Variants in CDC123 observed in about 807,000 individuals in gnomAD.
The protein encoded by CDC123 is cell division cycle 123.
A neutral mutation model predicts 54.4 loss-of-function variants in CDC123; 37 were observed. The ratio of observed to expected loss-of-function variants is 0.68; its 90% CI spans 0.52 to 0.89. The LOEUF (loss-of-function observed/expected upper bound fraction) is 0.89, where lower values mean the gene tolerates loss of function less well. Ranked by LOEUF, CDC123 falls within the 40% of genes least tolerant of loss-of-function variation. CDC123 has a pLI of 0.00. For synonymous variants in CDC123, 144 were observed against 136.8 expected, an observed-to-expected ratio of 1.05 and a Z score of -0.37; for missense variants, 361 against 412.1, an observed-to-expected ratio of 0.88 and a Z score of 1.07.
chr10:12,233,108 C>T (rs1212583376), intron 7 of CDC123, among the ~76,000 whole-genome samples: 1 of 152,036 alleles, frequency 6.6e-6, no homozygotes, highest in Non-Finnish European at 1.5e-5. Flanking sequence ...ATTTATTTAC[C>T]AGCAGTTTGC....
chr10:12,242,112 A>G (rs1323505666), intron 10 of CDC123, among the ~76,000 whole-genome samples: 6 of 152,158 alleles, frequency 3.9e-5, no homozygotes, highest in African/African-American at 1.4e-4. Flanking sequence ...AGGAGCCCTC[A>G]CATATCTCAC....
intron 6 of CDC123, among the ~76,000 whole-genome samples, chr10:12,224,330 A>G (rs1835777348): frequency 6.6e-6 from 1 of 150,598 alleles, no homozygotes; most frequent in South Asian, 2.1e-4. Flanking sequence ...TTGTGTCTAT[A>G]ACATTGCTTT....
chr10:12,217,212 A>G (rs1165070801), intron 5 of CDC123, 149 bp from the exon 6 acceptor site: 1 of 637,502 alleles, frequency 1.6e-6, no homozygotes. Flanking sequence ...GTTAAGCATA[A>G]TTTAACATTT....
chr10:12,228,058 T>C (rs4750191), intron 6 of CDC123, among the ~76,000 whole-genome samples: 151,202 of 152,180 alleles, frequency 0.99, 75,126 homozygotes, highest in Middle Eastern at 1. Flanking sequence ...GCCTCAGCCT[T>C]CTGAGTAGCT....
chr10:12,233,865 A>G (rs1018606686), intron 7 of CDC123, among the ~76,000 whole-genome samples: 4 of 152,022 alleles, frequency 2.6e-5, no homozygotes, highest in Admixed American at 6.5e-5. Context: ...ACTTATTAGT[A>G]TATGAGAGTT....
intron 10 of CDC123, among the ~76,000 whole-genome samples, chr10:12,243,648 A>G (rs1836089557): frequency 6.6e-6 from 1 of 150,756 alleles, no homozygotes; most frequent in South Asian, 2.1e-4. Flanking sequence ...GCTGGGCGTG[A>G]TGGCGGACGC....
At position 12,209,995 on chromosome 10, in the gene CDC123, G is replaced by T. The variant is rs753936146; in HGVS notation, c.175G>T (p.Asp59Tyr). The change falls in exon 3 of 13, where the codon GAC becomes TAC. Residue 59 changes from aspartate to tyrosine, a missense_variant. Physicochemically the swap from Asp to Tyr is radical, Grantham distance 160. Coordinates refer to ENST00000281141, the MANE Select transcript of CDC123 (RefSeq NM_006023.3). Reference sequence around the variant, plus strand: ...TGATCCACCAACACATTCTCAGCCAGACAGTGATGATGAAGCAGAAGAAAT... The same window carrying T: ...TGATCCACCAACACATTCTCAGCCATACAGTGATGATGAAGCAGAAGAAAT... ...RDDPPTHSQP[D>Y]SDDEAEEIQW... 3.9e-5 allele frequency: 63 copies of T among 1,614,046 alleles called. No individual in the cohort carries two copies. The highest frequency in any genetic ancestry group is 1.2e-5 in the Non-Finnish European group (14 of 1,180,034).
chr10:12,214,984 T>C (rs1257630000), intron 4 of CDC123, among the ~76,000 whole-genome samples: 1 of 152,212 alleles, frequency 6.6e-6, no homozygotes, highest in African/African-American at 2.4e-5. Flanking sequence ...TACCTTTTTT[T>C]CTTTCTTATG....
chr10:12,214,906 C>T (rs1282053348), intron 4 of CDC123, among the ~76,000 whole-genome samples: 1 of 152,014 alleles, frequency 6.6e-6, no homozygotes, highest in Non-Finnish European at 1.5e-5. Context: ...TTAATGACTG[C>T]GTGGAGAATC....
chr10:12,196,625 C>T (rs938233055), intron 1 of CDC123, among the ~76,000 whole-genome samples: 2 of 152,240 alleles, frequency 1.3e-5, no homozygotes, highest in South Asian at 2.1e-4. Flanking sequence ...TGATCACTGC[C>T]TAAGTGCACT....
chr10:12,234,852 C>G (rs1835958286), intron 7 of CDC123, among the ~76,000 whole-genome samples, 196 bp from the exon 8 acceptor site: 1 of 150,184 alleles, frequency 6.7e-6, no homozygotes, highest in African/African-American at 2.5e-5. Flanking sequence ...CTCCCGGGTT[C>G]AAGTGATTCT....
Position 12,246,153 on chromosome 10 carries a change from A to G in CDC123, c.722A>G (p.Lys241Arg), listed in dbSNP as rs1234640762. 2.5e-6 allele frequency: 4 copies of G among 1,613,768 alleles called. No homozygotes were observed. Among genetic ancestry groups the G allele is most frequent in the Non-Finnish European group, 3.4e-6 (4 of 1,179,786 alleles). The change falls in exon 11 of 13, where the codon AAG becomes AGG. Residue 241 changes from lysine (K) to arginine (R), a missense_variant. By Grantham distance (26) the Lys-to-Arg change is conservative. Transcript: ENST00000281141. ...VFDIYRDSRG[K>R]VWLIDFNPFG... ...TTTTCTCTCTCTGTGCTACAGGGGA[A>G]GGTGTGGCTCATTGACTTTAATCCA...
chr10:12,210,214 A>G (rs1157458810), intron 3 of CDC123, 76 bp from the exon 4 acceptor site: 1 of 1,553,080 alleles, frequency 6.4e-7, no homozygotes, highest in East Asian at 2.4e-5. Context: ...TATAATTTTT[A>G]GATGGAGCAC....
intron 7 of CDC123, among the ~76,000 whole-genome samples, chr10:12,231,677 A>G (rs992074238): frequency 6.6e-6 from 1 of 151,276 alleles, no homozygotes; most frequent in Admixed American, 6.6e-5. Flanking sequence ...CAACTTCATT[A>G]GAAATTTTGA....
intron 2 of CDC123, among the ~76,000 whole-genome samples, chr10:12,199,771 T>C (rs2131728986): frequency 6.6e-6 from 1 of 152,294 alleles, no homozygotes; most frequent in East Asian, 1.9e-4. Context: ...GAGGAAACAG[T>C]AGGAAAGTCA....
intron 2 of CDC123, among the ~76,000 whole-genome samples, chr10:12,202,436 T>C (rs1325945421): frequency 6.6e-6 from 1 of 152,200 alleles, no homozygotes; most frequent in Non-Finnish European, 1.5e-5. Context: ...TGGGGTTTTC[T>C]TCCCACCAAG....
chr10:12,200,158 GCT>G (rs1203846060), intron 2 of CDC123, among the ~76,000 whole-genome samples: 1 of 72,746 alleles, frequency 1.4e-5, no homozygotes, highest in East Asian at 6.4e-4. Flanking sequence ...ATGGAGTCTT[GCT>G]CTGTCAGCCA....
intron 10 of CDC123, chr10:12,244,854 CA>C (rs1359683960): frequency 6.6e-6 from 1 of 151,748 alleles, no homozygotes; most frequent in African/African-American, 2.4e-5. Context: ...AGTAAAAATG[CA>C]AAAATTAGCC....
chr10:12,246,003 G>A (rs889027991), intron 10 of CDC123, 146 bp from the exon 11 acceptor site: 21 of 771,338 alleles, frequency 2.7e-5, no homozygotes, highest in Admixed American at 5.3e-5. Context: ...CCAGGAGGTC[G>A]AGGCTGCAGT....
Sources: gnomAD v4.1 joint callset for allele counts (sites outside exome capture counted in the v4.1 genomes callset) on GRCh38, gnomAD v4.1.1 for gene constraint, MANE v1.5 for transcripts, NCBI Gene and HGNC (gene_info 2026-07-23, HGNC 2026-07-21) for gene names.